The following NBEA variants were observed in gnomAD, a reference collection of about 807,000 sequenced individuals.
The protein encoded by NBEA is neurobeachin.
Under a neutral mutation model 343.4 loss-of-function variants are expected in NBEA, and 44 were observed. That is an observed-to-expected ratio of 0.13 (90% CI 0.10 to 0.16). The LOEUF (loss-of-function observed/expected upper bound fraction) is 0.16, where lower values mean the gene tolerates loss of function less well. NBEA is among the 10% of genes least tolerant of loss of function. The pLI is 1.00. For synonymous variants in NBEA, 1,175 were observed against 1,238.7 expected (o/e 0.95, Z 1.08); for missense variants, 2,555 against 3,631.3 (o/e 0.70, Z 7.62).
At chr13:35,174,431 TTAATATTGATACAG>T (rs2070718781) in intron 27 of NBEA, among the ~76,000 whole-genome samples, 1 of 152,166 alleles carries the variant, frequency 6.6e-6, no homozygotes, top group Non-Finnish European at 1.5e-5. Flanking sequence ...AATTACATGT[TTAATATTGATACAG>T]TAACTTTTTG....
At chr13:35,635,532 C>G (rs2083656506) in intron 49 of NBEA, among the ~76,000 whole-genome samples, 2 of 151,948 alleles carry the variant, frequency 1.3e-5, no homozygotes, top group African/African-American at 4.8e-5. Flanking sequence ...GAAAGAAAAC[C>G]CCTACATTTT....
chr13:35,013,043 G>A (rs1364314584), intron 1 of NBEA, among the ~76,000 whole-genome samples: 2 of 152,148 alleles, frequency 1.3e-5, no homozygotes, highest in Non-Finnish European at 2.9e-5. Flanking sequence ...ACTATAAGGG[G>A]TAGATGGTTG....
intron 1 of NBEA, among the ~76,000 whole-genome samples, chr13:35,002,109 G>T (rs770662871): frequency 3.3e-5 from 5 of 152,108 alleles, no homozygotes; most frequent in Non-Finnish European, 7.4e-5. Context: ...CCACAAGCAA[G>T]TGTTCACCTC....
chr13:35,195,250 T>A (rs550807281), intron 30 of NBEA, among the ~76,000 whole-genome samples: 3 of 152,282 alleles, frequency 2.0e-5, no homozygotes, highest in African/African-American at 7.2e-5. Context: ...TTATTATTTA[T>A]AAGCTGCTTT....
intron 31 of NBEA, among the ~76,000 whole-genome samples, chr13:35,207,932 ATTTAAAGT>A (rs1365092390): frequency 6.6e-6 from 1 of 152,134 alleles, no homozygotes; most frequent in Non-Finnish European, 1.5e-5. Context: ...AGAATTTGGC[ATTTAAAGT>A]CTGGGCACGG....
intron 8 of NBEA, among the ~76,000 whole-genome samples, chr13:35,067,950 C>G (rs958879308): frequency 6.6e-6 from 1 of 152,024 alleles, no homozygotes; most frequent in African/African-American, 2.4e-5. Flanking sequence ...GTTGTCCAGG[C>G]TGATCTCAAA....
intron 18 of NBEA, among the ~76,000 whole-genome samples, chr13:35,155,031 TAGGC>T (rs200633133): frequency 0.013 from 1,905 of 149,016 alleles, 13 homozygotes; most frequent in Middle Eastern, 0.031. Context: ...TTGGGAGACT[TAGGC>T]AGGAGGATCA....
intron 5 of NBEA, 53 bp from the exon 6 acceptor site, chr13:35,050,216 T>A: frequency 2.0e-6 from 3 of 1,521,574 alleles, no homozygotes; most frequent in Non-Finnish European, 2.7e-6. Context: ...AGCCATTAGG[T>A]GTTTAGTTCT....
chr13:35,160,650 C>T (rs1462637697), intron 22 of NBEA, among the ~76,000 whole-genome samples: 3 of 152,064 alleles, frequency 2.0e-5, no homozygotes, highest in Non-Finnish European at 4.4e-5. Context: ...TTCTGTTCAA[C>T]CACATGAATA....
chr13:35,620,955 T>C (rs549765052), intron 48 of NBEA, among the ~76,000 whole-genome samples: 1 of 152,292 alleles, frequency 6.6e-6, no homozygotes, highest in African/African-American at 2.4e-5. Context: ...CAGAACATTT[T>C]AGAGAGTTCA....
intron 41 of NBEA, among the ~76,000 whole-genome samples, chr13:35,502,769 T>C (rs370979335): frequency 1.3e-5 from 2 of 152,252 alleles, no homozygotes; most frequent in East Asian, 1.9e-4. Context: ...TCCGTGCTTA[T>C]GTCTGATACA....
In NBEA at chr13:35,342,893, T is replaced by C. The variant is rs142941430; in HGVS notation, c.5904-6215T>C. Among the ~76,000 whole-genome samples, 338 of 151,912 alleles carry C rather than the reference T, an allele frequency of 2.2e-3. 2 individuals are homozygous for C. The highest frequency in any genetic ancestry group is 7.7e-3 in the African/African-American group (320 of 41,490). ...GGACCAATGGAAGATTTTTAAAGTA[T>C]TGGGCTAGAATTAAATACATTATAT... On this transcript the variant is annotated intron_variant, in intron 36 of 58. Coordinates refer to ENST00000379939, the MANE Select transcript of NBEA (RefSeq NM_001385012.1).
chr13:35,276,029 A>G (rs1161287724), intron 34 of NBEA, among the ~76,000 whole-genome samples: 1 of 152,182 alleles, frequency 6.6e-6, no homozygotes, highest in Non-Finnish European at 1.5e-5. Flanking sequence ...ATGAGCACCC[A>G]AAAGTTGTAG....
At chr13:35,637,896 G>C (rs2083768331) in intron 49 of NBEA, among the ~76,000 whole-genome samples, 1 of 152,094 alleles carries the variant, frequency 6.6e-6, no homozygotes, top group South Asian at 2.1e-4. Flanking sequence ...AAAATGTGGG[G>C]TGGTGTATGT....
chr13:35,021,613 A>G (rs1334530425), intron 1 of NBEA, among the ~76,000 whole-genome samples: 2 of 151,284 alleles, frequency 1.3e-5, no homozygotes, highest in African/African-American at 4.8e-5. Context: ...CTCTTGATTT[A>G]TTAACTACAC....
chr13:35,079,007 C>T (rs190143786), intron 10 of NBEA, among the ~76,000 whole-genome samples: 36 of 152,050 alleles, frequency 2.4e-4, no homozygotes, highest in African/African-American at 8.7e-4. Context: ...GGCAACAGAG[C>T]GAGATTGTGT....
intron 1 of NBEA, among the ~76,000 whole-genome samples, chr13:35,006,358 C>T (rs2061318242): frequency 6.6e-6 from 1 of 152,064 alleles, no homozygotes; most frequent in Admixed American, 6.5e-5. Context: ...TAAATTTATA[C>T]TTTTATCATT....
chr13:35,311,947 A>G (rs1157747082), intron 36 of NBEA, among the ~76,000 whole-genome samples: 1 of 152,178 alleles, frequency 6.6e-6, no homozygotes, highest in Non-Finnish European at 1.5e-5. Context: ...TCTACTCTTC[A>G]TAGGACTCGT....
At chr13:35,366,063 A>C (rs1292021144) in intron 38 of NBEA, among the ~76,000 whole-genome samples, 2 of 151,570 alleles carry the variant, frequency 1.3e-5, no homozygotes, top group Non-Finnish European at 3.0e-5. Flanking sequence ...AAGACTATTT[A>C]TGTTTATGGC....
Sources: gnomAD v4.1 joint callset for allele counts (sites outside exome capture counted in the v4.1 genomes callset) on GRCh38, gnomAD v4.1.1 for gene constraint, MANE v1.5 for transcripts, NCBI Gene and HGNC (gene_info 2026-07-23, HGNC 2026-07-21) for gene names.